Variants in MKLN1 observed in about 807,000 individuals in gnomAD.
MKLN1 encodes muskelin.
In MKLN1, 18 loss-of-function variants were observed where a neutral mutation model predicts 99.0. The observed-to-expected ratio is 0.18, with a 90% confidence interval of 0.13 to 0.27. MKLN1 has a LOEUF of 0.27. Ranked by LOEUF, MKLN1 falls within the 10% of genes least tolerant of loss-of-function variation. MKLN1 has a pLI of 1.00. For missense variants in MKLN1, 621 were observed against 875.9 expected (o/e 0.71, Z 3.67); for synonymous variants, 288 against 293.2 (o/e 0.98, Z 0.18).
intron 3 of MKLN1, among the ~76,000 whole-genome samples, chr7:131,276,997 T>G (rs569779119): frequency 6.6e-6 from 1 of 152,298 alleles, no homozygotes; most frequent in African/African-American, 2.4e-5. Flanking sequence ...CTTCATGACA[T>G]GGATCTTTTA....
intron 17 of MKLN1, among the ~76,000 whole-genome samples, chr7:131,485,292 TAC>T (rs908992760): frequency 3.3e-5 from 5 of 152,008 alleles, no homozygotes; most frequent in Non-Finnish European, 7.4e-5. Context: ...AATCCCTGAG[TAC>T]ACAGTGATGC....
chr7:131,385,293 T>C (rs1460361608), intron 2 of MKLN1, among the ~76,000 whole-genome samples: 1 of 152,176 alleles, frequency 6.6e-6, no homozygotes, highest in Non-Finnish European at 1.5e-5. Context: ...TTTTGGCTAT[T>C]GTGAACAGTA....
chr7:131,487,820 G>A lies in MKLN1; in HGVS notation c.*92G>A. On this transcript the variant is annotated 3_prime_UTR_variant, in exon 18 of 18. Transcript: ENST00000352689. The surrounding 1 kb of genome is among the most constrained non-coding windows in gnomAD (Gnocchi z 4.7). Reference sequence around the variant, plus strand: ...CACTGACTGACAGTAAAGCTGCAGTGATTGAGGACTGCACCAGAGTTCTGA... The same window carrying A: ...CACTGACTGACAGTAAAGCTGCAGTAATTGAGGACTGCACCAGAGTTCTGA... 3 of 1,421,448 alleles carry A rather than the reference G, an allele frequency of 2.1e-6. No homozygotes were observed. Among genetic ancestry groups the A allele is most frequent in the Non-Finnish European group, 2.9e-6 (3 of 1,040,142 alleles). 88.1% of individuals were successfully genotyped at this position (1,421,448 alleles called of 1,614,324 possible).
At chr7:131,184,003 G>T (rs575093067) in intron 2 of MKLN1, among the ~76,000 whole-genome samples, 1 of 151,738 alleles carries the variant, frequency 6.6e-6, no homozygotes, top group South Asian at 2.1e-4. Flanking sequence ...GTTTGCAAAC[G>T]GAGTAAAGAA....
chr7:131,359,632 C>T (rs915932957), intron 1 of MKLN1, among the ~76,000 whole-genome samples: 1 of 152,098 alleles, frequency 6.6e-6, no homozygotes, highest in Non-Finnish European at 1.5e-5. Context: ...CAGTTTCTCT[C>T]TCAAGTATTT....
intron 3 of MKLN1, among the ~76,000 whole-genome samples, chr7:131,276,320 G>A (rs1193478071): frequency 6.6e-6 from 1 of 152,190 alleles, no homozygotes; most frequent in Admixed American, 6.5e-5. Flanking sequence ...GAGGAAGAGC[G>A]ATGTGCACTT....
chr7:131,292,759 A>G (rs11767386), intron 3 of MKLN1, among the ~76,000 whole-genome samples: 67,176 of 152,018 alleles, frequency 0.44, 16,331 homozygotes, highest in Admixed American at 0.59. Flanking sequence ...AAGCCACCCA[A>G]TTTGTGAGTA....
intron 3 of MKLN1, among the ~76,000 whole-genome samples, chr7:131,265,349 T>C (rs1797793017): frequency 6.6e-6 from 1 of 152,184 alleles, no homozygotes; most frequent in Non-Finnish European, 1.5e-5. Context: ...TGTTCTCTTT[T>C]CTTCCTCTTT....
At chr7:131,214,634 C>T (rs1796952455) in intron 3 of MKLN1, among the ~76,000 whole-genome samples, 1 of 152,160 alleles carries the variant, frequency 6.6e-6, no homozygotes, top group African/African-American at 2.4e-5. Flanking sequence ...AATAATAAAC[C>T]TCTTATTGCT....
At chr7:131,423,838 A>G (rs559871820) in intron 8 of MKLN1, among the ~76,000 whole-genome samples, 46 of 152,340 alleles carry the variant, frequency 3.0e-4, no homozygotes, top group African/African-American at 1.1e-3. Context: ...TAGGAATACA[A>G]AGTATATTGT....
intron 3 of MKLN1, among the ~76,000 whole-genome samples, chr7:131,251,825 A>G (rs1479452278): frequency 6.6e-6 from 1 of 152,100 alleles, no homozygotes; most frequent in Admixed American, 6.6e-5. Context: ...ACATGCCACC[A>G]TGCCCAAGAA....
chr7:131,380,084 A>G (rs1241807685), intron 2 of MKLN1, among the ~76,000 whole-genome samples: 1 of 152,124 alleles, frequency 6.6e-6, no homozygotes, highest in African/African-American at 2.4e-5. Context: ...CCCTGAAGCT[A>G]TGTCTGAAGA....
At chr7:131,331,327 G>C (rs138061617) in intron 1 of MKLN1, among the ~76,000 whole-genome samples, 2 of 152,256 alleles carry the variant, frequency 1.3e-5, no homozygotes, top group African/African-American at 4.8e-5. Flanking sequence ...ACCACTTATT[G>C]AGTACTTTCT....
At chr7:131,260,977 G>A (rs1345900661) in intron 3 of MKLN1, among the ~76,000 whole-genome samples, 1 of 152,058 alleles carries the variant, frequency 6.6e-6, no homozygotes, top group Non-Finnish European at 1.5e-5. Flanking sequence ...TCTTTATATT[G>A]TATACAAAAA....
chr7:131,144,574 T>C (rs969498754), intron 2 of MKLN1, among the ~76,000 whole-genome samples: 2 of 152,080 alleles, frequency 1.3e-5, no homozygotes, highest in Admixed American at 1.3e-4. Flanking sequence ...CTTGAACTCC[T>C]GGCCTCAAGC....
intron 1 of MKLN1, among the ~76,000 whole-genome samples, chr7:131,359,154 C>T (rs543779138): frequency 1.1e-4 from 17 of 152,182 alleles, no homozygotes; most frequent in African/African-American, 2.6e-4. Context: ...CTTTCAATGC[C>T]GTAAATTTCC....
chr7:131,252,176 C>G (rs149657844), intron 3 of MKLN1, among the ~76,000 whole-genome samples: 1 of 152,042 alleles, frequency 6.6e-6, no homozygotes, highest in Non-Finnish European at 1.5e-5. Context: ...CCCAAAAGCC[C>G]GGACAGATAC....
chr7:131,399,663 G>A (rs1794473653), intron 6 of MKLN1, among the ~76,000 whole-genome samples: 1 of 152,092 alleles, frequency 6.6e-6, no homozygotes, highest in Non-Finnish European at 1.5e-5. Context: ...ATAAATTTAA[G>A]TTGTCATCTT....
intron 10 of MKLN1, among the ~76,000 whole-genome samples, chr7:131,442,351 C>T (rs1303987664): frequency 1.3e-5 from 2 of 152,096 alleles, no homozygotes; most frequent in African/African-American, 2.4e-5. Context: ...AGTTCAAGAC[C>T]AGCCTGACCA....
Sources: allele counts gnomAD v4.1 joint callset (sites outside exome capture counted in the v4.1 genomes callset), GRCh38; gene constraint gnomAD v4.1.1; non-coding constraint Gnocchi (gnomAD v3.1); transcripts MANE v1.5; gene names NCBI Gene and HGNC (gene_info 2026-07-23, HGNC 2026-07-21).